Variants in FOXP2 observed in about 807,000 individuals in gnomAD.
FOXP2 encodes forkhead box P2.
Under a neutral mutation model 115.8 loss-of-function variants are expected in FOXP2, and 12 were observed. The observed-to-expected ratio is 0.10, with a 90% confidence interval of 0.07 to 0.17. The LOEUF is 0.17. Among genes scored for constraint, FOXP2 ranks in the 10% least tolerant of loss-of-function variants. The probability of loss-of-function intolerance (pLI) is 1.00; values close to 1 mark genes in which losing one functional copy is unlikely to be tolerated. For missense variants in FOXP2, 629 were observed against 843.5 expected, an observed-to-expected ratio of 0.75 and a Z score of 3.15; for synonymous variants, 328 against 297.7, an observed-to-expected ratio of 1.10 and a Z score of -1.05.
At chr7:114,621,038 G>A (rs1013655667) in intron 3 of FOXP2, among the ~76,000 whole-genome samples, 9 of 151,954 alleles carry the variant, frequency 5.9e-5, no homozygotes, top group Non-Finnish European at 1.3e-4. Context: ...CAGCCCATAA[G>A]TGTTTATTAA....
chr7:114,543,308 G>A (rs1044400532), intron 3 of FOXP2, among the ~76,000 whole-genome samples: 1 of 151,978 alleles, frequency 6.6e-6, no homozygotes, highest in African/African-American at 2.4e-5. Flanking sequence ...ACTAATTATA[G>A]TAGAATTATA....
chr7:114,628,975 CA>C (rs201808445), intron 4 of FOXP2: 1 of 329,642 alleles, frequency 3.0e-6, no homozygotes, highest in East Asian at 7.2e-5. Flanking sequence ...GTTGACTTGC[CA>C]AAAAAATGCA....
intron 13 of FOXP2, among the ~76,000 whole-genome samples, chr7:114,660,494 T>A (rs540693192): frequency 2.0e-5 from 3 of 152,162 alleles, no homozygotes; most frequent in Non-Finnish European, 4.4e-5. Context: ...CTGTGAGATA[T>A]GCTAAAGTGA....
chr7:114,252,756 T>C (rs878911721), intron 1 of FOXP2, among the ~76,000 whole-genome samples: 1 of 151,460 alleles, frequency 6.6e-6, no homozygotes, highest in East Asian at 1.9e-4. Context: ...CCTGCTTTCA[T>C]TGATTTTTTG....
At chr7:114,391,749 A>G (rs1386463219) in intron 2 of FOXP2, among the ~76,000 whole-genome samples, 3 of 152,222 alleles carry the variant, frequency 2.0e-5, no homozygotes, top group African/African-American at 4.8e-5. Flanking sequence ...TCTAAGAATT[A>G]TCAACTGATC....
At chr7:114,631,195 A>G (rs57204449) in intron 5 of FOXP2, among the ~76,000 whole-genome samples, 3,221 of 151,914 alleles carry the variant, frequency 0.021, 85 homozygotes, top group African/African-American at 0.07. Context: ...GAAGTTGACT[A>G]TTTCTGTAAA....
At chr7:114,256,775 T>A (rs1489853624) in intron 1 of FOXP2, among the ~76,000 whole-genome samples, 1 of 152,212 alleles carries the variant, frequency 6.6e-6, no homozygotes, top group Non-Finnish European at 1.5e-5. Flanking sequence ...AACTATAAAC[T>A]CTGCTCAAGG....
chr7:114,315,925 A>G (rs1169740088), intron 2 of FOXP2, among the ~76,000 whole-genome samples: 1 of 152,236 alleles, frequency 6.6e-6, no homozygotes, highest in Non-Finnish European at 1.5e-5. Flanking sequence ...ACTAACATAC[A>G]TATTTTCCCC....
intron 11 of FOXP2, among the ~76,000 whole-genome samples, chr7:114,659,057 T>A (rs551137712): frequency 9.2e-5 from 14 of 152,214 alleles, no homozygotes; most frequent in African/African-American, 3.1e-4. Flanking sequence ...CAAAAGTCCA[T>A]GTAAGAATAT....
At chr7:114,395,855 G>A (rs929664838) in intron 2 of FOXP2, among the ~76,000 whole-genome samples, 1 of 151,452 alleles carries the variant, frequency 6.6e-6, no homozygotes, top group Non-Finnish European at 1.5e-5. Context: ...GGCAGGGGGG[G>A]TCACGTTTTC....
At chr7:114,591,799 G>A (rs1196297444) in intron 3 of FOXP2, among the ~76,000 whole-genome samples, 1 of 152,060 alleles carries the variant, frequency 6.6e-6, no homozygotes, top group African/African-American at 2.4e-5. Context: ...GAGGTCGAGT[G>A]TTCTCTCCCA....
chr7:114,398,080 A>G (rs564924701), intron 2 of FOXP2, among the ~76,000 whole-genome samples: 17 of 152,302 alleles, frequency 1.1e-4, no homozygotes, highest in Non-Finnish European at 1.0e-4. Context: ...AAGGAGTTAT[A>G]ATGGATATAG....
At chr7:114,422,494 A>G (rs1016515747) in intron 1 of FOXP2, among the ~76,000 whole-genome samples, 2 of 151,722 alleles carry the variant, frequency 1.3e-5, no homozygotes, top group African/African-American at 2.4e-5. Flanking sequence ...AATCCCTGAC[A>G]TACATAGACA....
At chr7:114,625,525 C>T (rs190941981) in intron 3 of FOXP2, among the ~76,000 whole-genome samples, 2 of 151,884 alleles carry the variant, frequency 1.3e-5, no homozygotes, top group Admixed American at 6.6e-5. Flanking sequence ...GTAGTATAAT[C>T]TCTACATTTT....
chr7:114,648,916 G>T (rs1279221868), intron 8 of FOXP2, among the ~76,000 whole-genome samples: 2 of 151,942 alleles, frequency 1.3e-5, no homozygotes, highest in African/African-American at 4.8e-5. Context: ...CTGCAGTCTC[G>T]GTAAGAGGCT....
intron 1 of FOXP2, among the ~76,000 whole-genome samples, chr7:114,187,088 T>C (rs1793626335): frequency 6.6e-6 from 1 of 152,214 alleles, no homozygotes; most frequent in Non-Finnish European, 1.5e-5. Flanking sequence ...TTCTGGCTTT[T>C]CTCCATCCAT....
At chr7:114,353,846 GTTCCTGTGTA>G (rs1791553857) in intron 2 of FOXP2, among the ~76,000 whole-genome samples, 1 of 152,020 alleles carries the variant, frequency 6.6e-6, no homozygotes, top group East Asian at 1.9e-4. Context: ...TGGTTTTTGA[GTTCCTGTGTA>G]TAACCCATCT....
chr7:114,512,656 G>A (rs1458577154), intron 2 of FOXP2, among the ~76,000 whole-genome samples: 1 of 152,146 alleles, frequency 6.6e-6, no homozygotes, highest in Non-Finnish European at 1.5e-5. Flanking sequence ...CATCTTTTGG[G>A]AACTGAATGG....
chr7:114,318,759 G>T (rs1040512488), intron 2 of FOXP2, among the ~76,000 whole-genome samples: 1 of 150,742 alleles, frequency 6.6e-6, no homozygotes. Context: ...GGAATGTTTT[G>T]CATATTTTCT....
Sources: gnomAD v4.1 joint callset for allele counts (sites outside exome capture counted in the v4.1 genomes callset) on GRCh38, gnomAD v4.1.1 for gene constraint, MANE v1.5 for transcripts, NCBI Gene and HGNC (gene_info 2026-07-23, HGNC 2026-07-21) for gene names.